Variants in NAV2 observed in about 807,000 individuals in gnomAD.
NAV2 encodes the protein helicase, APC down-regulated 1.
In NAV2, 54 loss-of-function variants were observed where a neutral mutation model predicts 223.2. The observed-to-expected ratio is 0.24, with a 90% CI of 0.19 to 0.30. The LOEUF (loss-of-function observed/expected upper bound fraction) is 0.30. Among genes scored for constraint, NAV2 ranks in the 10% least tolerant of loss-of-function variants. The pLI is 1.00. For synonymous variants in NAV2, 1,279 were observed against 1,239.3 expected, an observed-to-expected ratio of 1.03 and a Z score of -0.67; for missense variants, 2,806 against 3,147.5, an observed-to-expected ratio of 0.89 and a Z score of 2.60.
intron 1 of NAV2, among the ~76,000 whole-genome samples, chr11:19,784,388 T>TAAAAAAAAAA (rs1162911472): frequency 1.4e-4 from 7 of 50,948 alleles, no homozygotes; most frequent in African/African-American, 6.4e-4. Flanking sequence ...AGCTCCATCT[T>TAAAAAAAAAA]AAAAAAAAAA....
intron 1 of NAV2, among the ~76,000 whole-genome samples, chr11:19,668,928 G>A (rs2048502768): frequency 6.6e-6 from 1 of 152,144 alleles, no homozygotes. Context: ...TACATGACAG[G>A]CCTATGGGAG....
intron 1 of NAV2, among the ~76,000 whole-genome samples, chr11:19,814,433 C>CTTA (rs1416887493): frequency 3.3e-5 from 5 of 152,160 alleles, no homozygotes; most frequent in African/African-American, 1.2e-4. Flanking sequence ...AGCTGGAAGG[C>CTTA]ATCTGTACCC....
chr11:19,446,715 ACTGCTTGGAGC>A (rs1851597968), intron 1 of NAV2, among the ~76,000 whole-genome samples: 2 of 152,210 alleles, frequency 1.3e-5, no homozygotes, highest in Non-Finnish European at 1.5e-5. Context: ...GAACCGCTGA[ACTGCTTGGAGC>A]ACCTCAAATG....
rs773107110 is a variant in NAV2 at position 19,884,308 on chromosome 11, A to G, written c.770+4181A>G. 4 of 1,613,712 alleles carry G rather than the reference A, an allele frequency of 2.5e-6. No individual in the cohort carries two copies. The East Asian group carries it at 6.7e-5, about 27-fold the overall frequency. On this transcript the variant is annotated intron_variant, in intron 5 of 37. Transcript: ENST00000349880. ...CTATCATGCAGTGCATCATCCAAGG[A>G]CTCATCTCAAAGCAAAATCATCCGC...
intron 1 of NAV2, among the ~76,000 whole-genome samples, chr11:19,479,249 G>A (rs1005980128): frequency 8.5e-5 from 13 of 152,266 alleles, no homozygotes; most frequent in East Asian, 5.8e-4. Flanking sequence ...CTTTGCCACC[G>A]TGGCTCTCTC....
intron 11 of NAV2, among the ~76,000 whole-genome samples, chr11:19,985,461 T>C (rs2439875): frequency 0.18 from 27,742 of 152,160 alleles, 3,075 homozygotes; most frequent in East Asian, 0.53. Flanking sequence ...ACTAGGGTTC[T>C]AGCTCAAGTC....
At chr11:19,993,318 T>G (rs1407592579) in intron 11 of NAV2, among the ~76,000 whole-genome samples, 2 of 152,178 alleles carry the variant, frequency 1.3e-5, no homozygotes, top group Non-Finnish European at 2.9e-5. Flanking sequence ...TTTAGAGCAT[T>G]GACAGTCTTC....
At chr11:19,823,399 G>C (rs1446664145) in intron 1 of NAV2, among the ~76,000 whole-genome samples, 5 of 152,106 alleles carry the variant, frequency 3.3e-5, no homozygotes, top group African/African-American at 1.2e-4. Flanking sequence ...GTAGAGAAGG[G>C]GTTTCACCAT....
At chr11:19,961,414 A>G (rs11824859) in intron 10 of NAV2, among the ~76,000 whole-genome samples, 13,755 of 152,224 alleles carry the variant, frequency 0.09, 2,041 homozygotes, top group African/African-American at 0.31. Flanking sequence ...ACATTTGGAC[A>G]AGGTTGGGAG....
intron 1 of NAV2, among the ~76,000 whole-genome samples, chr11:19,552,535 G>T (rs2044723893): frequency 6.6e-6 from 1 of 152,084 alleles, no homozygotes; most frequent in Non-Finnish European, 1.5e-5. Flanking sequence ...CCGAGCAGAA[G>T]CTCCCCAGCC....
At chr11:19,624,841 A>T (rs770483764) in intron 1 of NAV2, among the ~76,000 whole-genome samples, 4 of 152,236 alleles carry the variant, frequency 2.6e-5, no homozygotes, top group Non-Finnish European at 4.4e-5. Flanking sequence ...AGTCTTCTGC[A>T]TCACTCATGC....
chr11:19,809,953 G>T (rs1190338960), intron 1 of NAV2, among the ~76,000 whole-genome samples: 1 of 152,076 alleles, frequency 6.6e-6, no homozygotes, highest in African/African-American at 2.4e-5. Context: ...TCGATCACCT[G>T]GCTGAGATAG....
intron 6 of NAV2, among the ~76,000 whole-genome samples, chr11:19,931,524 C>G (rs1250945414): frequency 6.8e-6 from 1 of 146,754 alleles, no homozygotes; most frequent in Non-Finnish European, 1.5e-5. Flanking sequence ...CAGCCGTTGA[C>G]TTTTAAATCA....
At chr11:19,900,832 C>T (rs528453032) in intron 6 of NAV2, among the ~76,000 whole-genome samples, 29 of 152,280 alleles carry the variant, frequency 1.9e-4, no homozygotes, top group African/African-American at 6.0e-4. Context: ...TCCAGGGGAA[C>T]AGTTAGCAAG....
chr11:19,854,205 T>C (rs1400069665), intron 3 of NAV2, among the ~76,000 whole-genome samples: 2 of 152,026 alleles, frequency 1.3e-5, no homozygotes, highest in African/African-American at 4.8e-5. Context: ...ATCAAAGAGG[T>C]GTTTTTTTGT....
chr11:19,903,235 A>C (rs761696335), intron 6 of NAV2, among the ~76,000 whole-genome samples: 1 of 152,200 alleles, frequency 6.6e-6, no homozygotes, highest in Non-Finnish European at 1.5e-5. Flanking sequence ...GACAATGGTC[A>C]TGGTATATCT....
chr11:19,494,539 T>C (rs1485831096), intron 1 of NAV2, among the ~76,000 whole-genome samples: 1 of 152,204 alleles, frequency 6.6e-6, no homozygotes, highest in Non-Finnish European at 1.5e-5. Flanking sequence ...ACACATATCA[T>C]TGTAGCTGAG....
At chr11:19,738,572 A>C (rs2052532414) in intron 1 of NAV2, among the ~76,000 whole-genome samples, 1 of 152,200 alleles carries the variant, frequency 6.6e-6, no homozygotes, top group Admixed American at 6.5e-5. Flanking sequence ...CCCCGCCCCC[A>C]GTATCCTGAC....
intron 6 of NAV2, among the ~76,000 whole-genome samples, chr11:19,906,426 G>A (rs1404586899): frequency 6.6e-6 from 1 of 152,182 alleles, no homozygotes; most frequent in Non-Finnish European, 1.5e-5. Flanking sequence ...GGCACAGAGA[G>A]GGGTGGACAC....
Sources: gnomAD v4.1 joint callset for allele counts (sites outside exome capture counted in the v4.1 genomes callset) on GRCh38, gnomAD v4.1.1 for gene constraint, MANE v1.5 for transcripts, NCBI Gene and HGNC (gene_info 2026-07-23, HGNC 2026-07-21) for gene names.